The following CSMD3 variants were observed in gnomAD, a reference collection of about 807,000 sequenced individuals.
CSMD3 encodes CUB and Sushi multiple domains 3, also known as CUB and sushi domain-containing protein 3.
Under a neutral mutation model 435.2 loss-of-function variants are expected in CSMD3, and 177 were observed. The observed-to-expected ratio is 0.41, with a 90% CI of 0.36 to 0.46. The LOEUF is 0.46. Ranked by LOEUF, CSMD3 falls within the 20% of genes least tolerant of loss-of-function variation. The probability of loss-of-function intolerance (pLI) is 0.34; values close to 1 mark genes in which losing one functional copy is unlikely to be tolerated. For missense variants in CSMD3, 4,265 were observed against 4,504.6 expected (o/e 0.95, Z 1.52); for synonymous variants, 1,656 against 1,520.5 (o/e 1.09, Z -2.07).
intron 25 of CSMD3, among the ~76,000 whole-genome samples, chr8:112,553,105 C>A (rs1366086464): frequency 6.6e-6 from 1 of 152,052 alleles, no homozygotes; most frequent in African/African-American, 2.4e-5. Flanking sequence ...TGCTACCCCG[C>A]CTTTGAGAAA....
intron 3 of CSMD3, among the ~76,000 whole-genome samples, chr8:113,190,233 T>C (rs886834368): frequency 4.6e-5 from 7 of 151,830 alleles, no homozygotes; most frequent in Non-Finnish European, 1.0e-4. Context: ...ATACTCCTTT[T>C]CTCACAGAGC....
intron 1 of CSMD3, among the ~76,000 whole-genome samples, chr8:113,355,767 C>CACT (rs1186190872): frequency 1.8e-5 from 1 of 56,612 alleles, no homozygotes; most frequent in African/African-American, 6.4e-5. Context: ...CACACACACA[C>CACT]GGGGTGTGTG....
chr8:113,095,020 G>A (rs1223483683), intron 5 of CSMD3, among the ~76,000 whole-genome samples: 1 of 151,838 alleles, frequency 6.6e-6, no homozygotes, highest in Non-Finnish European at 1.5e-5. Context: ...GCAGTGAGCT[G>A]AGATTGCACC....
chr8:113,279,340 C>G (rs897624386), intron 2 of CSMD3, among the ~76,000 whole-genome samples: 1 of 150,130 alleles, frequency 6.7e-6, no homozygotes, highest in African/African-American at 2.4e-5. Context: ...ATTAAACACC[C>G]TGTTTGGCAT....
intron 9 of CSMD3, among the ~76,000 whole-genome samples, chr8:112,926,800 A>T (rs185491709): frequency 6.6e-6 from 1 of 152,096 alleles, no homozygotes; most frequent in South Asian, 2.1e-4. Flanking sequence ...AAAAAAGCAG[A>T]GGAGGAATGA....
intron 22 of CSMD3, among the ~76,000 whole-genome samples, chr8:112,633,158 C>T (rs1055712717): frequency 2.0e-5 from 3 of 151,970 alleles, no homozygotes; most frequent in Non-Finnish European, 4.4e-5. Flanking sequence ...TATTCTCCTG[C>T]TTCTACAAAT....
chr8:112,859,264 T>C lies in CSMD3; in HGVS notation c.1636A>G (p.Lys546Glu). 6.2e-7 allele frequency: 1 copy of C among 1,610,778 alleles called. No homozygotes were observed. The highest frequency in any genetic ancestry group is 8.5e-7 in the Non-Finnish European group (1 of 1,177,438). Residue 546 changes from lysine (K) to glutamate (E), a missense_variant and splice_region_variant, in exon 11 of 71, where the codon AAA (lysine) becomes GAA (glutamate). Physicochemically the swap from Lys to Glu is moderately conservative, Grantham distance 56 (BLOSUM62 1). Transcript: ENST00000297405. The part of the protein sequence containing the change: ...WSDHRPVCKV[K>E]TCGSNLQGPS... ...CCTTGAAGATTAGAGCCACACGTTT[T>C]CACTAAAAGAGAAATTGCATTTTAA...
At position 113,376,682 on chromosome 8, in the gene CSMD3, C is replaced by A; in HGVS notation, c.178+59995G>T. On this transcript the variant is annotated intron_variant, in intron 1 of 70. Coordinates refer to ENST00000297405, the MANE Select transcript of CSMD3 (RefSeq NM_198123.2). ...GGAGGCGCCATCATGGGAGTTGACA[C>A]CCGCCACAAGGACCGAAAGGTTCGG... is the stretch of plus-strand genomic sequence containing the variant. 15 of 1,607,002 alleles carry A rather than the reference C, an allele frequency of 9.3e-6. No individual in the cohort carries two copies. The South Asian group carries it at 1.2e-4, about 13-fold the overall frequency.
At chr8:113,289,291 C>T (rs1220542773) in intron 2 of CSMD3, among the ~76,000 whole-genome samples, 5 of 151,688 alleles carry the variant, frequency 3.3e-5, no homozygotes, top group African/African-American at 1.2e-4. Flanking sequence ...CTTCTTGACG[C>T]ACTACATTAT....
At position 112,623,561 on chromosome 8, in the gene CSMD3, T is replaced by C. The variant is rs1022764114; in HGVS notation, c.3715+13256A>G. Among the ~76,000 whole-genome samples, 5 of 152,096 alleles carry C rather than the reference T, an allele frequency of 3.3e-5. No individual in the cohort carries two copies. The East Asian group carries it at 9.7e-4, about 29-fold the overall frequency. ...TTAAGTTTTAGGGTACATGTGCACA[T>C]TGTGCAGGTTAGTTACATATGTATA... On this transcript the variant is annotated intron_variant, in intron 22 of 70. Coordinates refer to ENST00000297405, the MANE Select transcript of CSMD3 (RefSeq NM_198123.2).
At chr8:113,295,846 A>G (rs535755996) in intron 2 of CSMD3, among the ~76,000 whole-genome samples, 1 of 152,294 alleles carries the variant, frequency 6.6e-6, no homozygotes, top group South Asian at 2.1e-4. Flanking sequence ...ACACATGCAC[A>G]TGTATGTTTA....
At chr8:113,152,388 G>T (rs1255452101) in intron 4 of CSMD3, among the ~76,000 whole-genome samples, 2 of 151,934 alleles carry the variant, frequency 1.3e-5, no homozygotes, top group Non-Finnish European at 2.9e-5. Flanking sequence ...TCCTTATATG[G>T]GGAGATGCAT....
At chr8:112,585,859 C>T (rs370877534) in intron 23 of CSMD3, among the ~76,000 whole-genome samples, 17 of 151,722 alleles carry the variant, frequency 1.1e-4, no homozygotes, top group East Asian at 7.8e-4. Context: ...GTTCTATATA[C>T]AAGCATCCTA....
intron 17 of CSMD3, among the ~76,000 whole-genome samples, chr8:112,658,558 C>T (rs982800977): frequency 1.3e-5 from 2 of 152,080 alleles, no homozygotes; most frequent in South Asian, 4.1e-4. Flanking sequence ...AATTTTGTGA[C>T]CTGGAATATA....
At chr8:112,738,202 T>C (rs1053534732) in intron 13 of CSMD3, among the ~76,000 whole-genome samples, 14 of 151,784 alleles carry the variant, frequency 9.2e-5, no homozygotes, top group Middle Eastern at 3.4e-3. Flanking sequence ...AATTAGAAAA[T>C]CAAAGAAATT....
intron 11 of CSMD3, among the ~76,000 whole-genome samples, chr8:112,850,805 C>T (rs1400137116): frequency 6.6e-6 from 1 of 151,964 alleles, no homozygotes; most frequent in Non-Finnish European, 1.5e-5. Context: ...TAAATTGTAC[C>T]ACTGTGTCCA....
intron 9 of CSMD3, among the ~76,000 whole-genome samples, chr8:112,945,649 T>C (rs1359685955): frequency 6.6e-6 from 1 of 150,886 alleles, no homozygotes; most frequent in African/African-American, 2.4e-5. Context: ...TTTTAAATGT[T>C]GTCTCCATTA....
intron 5 of CSMD3, among the ~76,000 whole-genome samples, chr8:113,032,124 G>C (rs1232976196): frequency 6.6e-6 from 1 of 151,564 alleles, no homozygotes; most frequent in Non-Finnish European, 1.5e-5. Context: ...TTTATACAGT[G>C]TGATAACAGA....
intron 5 of CSMD3, among the ~76,000 whole-genome samples, chr8:113,080,351 C>T (rs1448244259): frequency 6.6e-6 from 1 of 151,970 alleles, no homozygotes; most frequent in African/African-American, 2.4e-5. Context: ...TAAACTACAC[C>T]TTGTGGATGT....
Sources: gnomAD v4.1 joint callset for allele counts (sites outside exome capture counted in the v4.1 genomes callset) on GRCh38, gnomAD v4.1.1 for gene constraint, MANE v1.5 for transcripts, NCBI Gene and HGNC (gene_info 2026-07-23, HGNC 2026-07-21) for gene names.